The following ERC2 variants were observed in gnomAD, a reference collection of about 807,000 sequenced individuals.
ERC2 encodes ERC protein 2.
A neutral mutation model predicts 114.8 loss-of-function variants in ERC2; 42 were observed. The observed-to-expected ratio is 0.37, with a 90% confidence interval of 0.29 to 0.47. ERC2 has a LOEUF of 0.47. Among genes scored for constraint, ERC2 ranks in the 20% least tolerant of loss-of-function variants. The pLI is 0.99. For missense variants in ERC2, 939 were observed against 1,150.7 expected (o/e 0.82, Z 2.66); for synonymous variants, 454 against 425.5 (o/e 1.07, Z -0.82).
chr3:56,216,752 G>A (rs947923597), intron 3 of ERC2, among the ~76,000 whole-genome samples: 3 of 152,150 alleles, frequency 2.0e-5, no homozygotes, highest in African/African-American at 7.2e-5. Context: ...GTAAAATACT[G>A]GCAAACCAAA....
At chr3:55,971,521 A>G (rs1393319936) in intron 12 of ERC2, among the ~76,000 whole-genome samples, 1 of 152,168 alleles carries the variant, frequency 6.6e-6, no homozygotes, top group Non-Finnish European at 1.5e-5. Context: ...AAGCATAGAC[A>G]CATCTTTAAA....
chr3:55,980,169 A>G (rs1179233681), intron 12 of ERC2, among the ~76,000 whole-genome samples: 1 of 151,610 alleles, frequency 6.6e-6, no homozygotes, highest in East Asian at 1.9e-4. Flanking sequence ...AAGTAAAATC[A>G]GCTGATTTCT....
chr3:55,998,240 TTCTC>T (rs200652297), intron 10 of ERC2, among the ~76,000 whole-genome samples: 2 of 151,516 alleles, frequency 1.3e-5, no homozygotes, highest in Middle Eastern at 3.2e-3. Flanking sequence ...CTCTCTCTCT[TTCTC>T]TCTCTCTCAC....
rs9865989 is a variant in ERC2 at position 56,378,895 on chromosome 3, G to A, written c.657+55456C>T. ...TGGCCTCTTAAGTTAGCCCTGCACAGTCCAATGGAAGTGTAATGCAAGCCA... is the reference window on the plus strand; with the variant it reads ...TGGCCTCTTAAGTTAGCCCTGCACAATCCAATGGAAGTGTAATGCAAGCCA... On this transcript the variant is annotated intron_variant, in intron 2 of 17. Transcript: ENST00000288221. Among the ~76,000 whole-genome samples the A allele has an allele frequency of 8.8e-3, 1,342 of 152,246 alleles. 26 individuals are homozygous for A. Among genetic ancestry groups the A allele is most frequent in the African/African-American group, 0.03 (1,251 of 41,534 alleles).
intron 17 of ERC2, among the ~76,000 whole-genome samples, chr3:55,629,410 A>G (rs2059654195): frequency 6.6e-6 from 1 of 152,250 alleles, no homozygotes; most frequent in Non-Finnish European, 1.5e-5. Context: ...TGAAACTTAC[A>G]GTGACTTGGA....
chr3:56,036,798 C>A (rs2074835515), intron 7 of ERC2, among the ~76,000 whole-genome samples: 1 of 152,100 alleles, frequency 6.6e-6, no homozygotes, highest in Non-Finnish European at 1.5e-5. Context: ...CCCATGCCAC[C>A]AGAGCCGTGG....
intron 3 of ERC2, among the ~76,000 whole-genome samples, chr3:56,228,966 G>C (rs1422746561): frequency 6.6e-6 from 1 of 152,046 alleles, no homozygotes; most frequent in Admixed American, 6.6e-5. Flanking sequence ...GTTATAATGG[G>C]TAAGAGTCCA....
intron 2 of ERC2, among the ~76,000 whole-genome samples, chr3:56,359,892 GC>G (rs2058884073): frequency 6.6e-6 from 1 of 151,816 alleles, no homozygotes; most frequent in South Asian, 2.1e-4. Flanking sequence ...TGTGAGGACA[GC>G]ACCAAGCTAT....
chr3:55,516,118 C>G (rs544820265), intron 17 of ERC2, among the ~76,000 whole-genome samples: 1 of 152,214 alleles, frequency 6.6e-6, no homozygotes, highest in African/African-American at 2.4e-5. Context: ...AAGGCAAGCC[C>G]CTGATAGACT....
rs138559613 is a variant in ERC2, at chr3:55,907,664, T to G, written c.2404-19115A>C. Among the ~76,000 whole-genome samples, 350 of 152,222 alleles carry G rather than the reference T, an allele frequency of 2.3e-3. 1 individual carries two copies. The highest frequency in any genetic ancestry group is 7.9e-3 in the African/African-American group (328 of 41,530). The stretch of plus-strand genomic sequence containing the variant: ...AACATGAGGAAACACAGACGCTGAG[T>G]TTGGACTGATGAAGGCTCAGATCCC... On this transcript the variant is annotated intron_variant, in intron 13 of 17. Coordinates refer to ENST00000288221, the MANE Select transcript of ERC2 (RefSeq NM_015576.3).
chr3:56,167,318 T>C lies in ERC2; in HGVS notation c.1149+6128A>G, dbSNP rs143594985. 3.9e-3 allele frequency among the ~76,000 whole-genome samples: 595 copies of C among 152,250 alleles called. 5 individuals carry two copies. Among genetic ancestry groups the C allele is most frequent in the Middle Eastern group, 0.024 (7 of 294 alleles). On this transcript the variant is annotated intron_variant, in intron 4 of 17. Coordinates refer to ENST00000288221, the MANE Select transcript of ERC2 (RefSeq NM_015576.3). ...TGCTGTACACAAAATAGTTGCTCAG[T>C]AAACACTGGTGTTTATTATGCAACT...
intron 15 of ERC2, among the ~76,000 whole-genome samples, chr3:55,716,610 G>A (rs1364394103): frequency 6.6e-6 from 1 of 152,186 alleles, no homozygotes; most frequent in East Asian, 1.9e-4. Context: ...TAAGTCTGTG[G>A]CTTCTGATTC....
chr3:56,115,433 A>G (rs1575476491), intron 6 of ERC2, among the ~76,000 whole-genome samples: 1 of 152,118 alleles, frequency 6.6e-6, no homozygotes, highest in East Asian at 1.9e-4. Context: ...CCATTCTTCA[A>G]GAGTCACGTC....
chr3:55,566,021 T>C (rs1290737812), intron 17 of ERC2, among the ~76,000 whole-genome samples: 1 of 152,226 alleles, frequency 6.6e-6, no homozygotes, highest in African/African-American at 2.4e-5. Flanking sequence ...GTCTCTTAGC[T>C]TGGGGGGAAA....
intron 14 of ERC2, among the ~76,000 whole-genome samples, chr3:55,833,365 T>A (rs1301530392): frequency 1.3e-5 from 2 of 150,978 alleles, no homozygotes; most frequent in Non-Finnish European, 2.9e-5. Context: ...GAGAGAAAGG[T>A]CGGGTTACCC....
chr3:55,754,044 T>A (rs1226589177), intron 14 of ERC2, among the ~76,000 whole-genome samples: 1 of 152,206 alleles, frequency 6.6e-6, no homozygotes, highest in Non-Finnish European at 1.5e-5. Context: ...GTTGGTTGTA[T>A]AACAAGCAGT....
At chr3:56,192,390 T>C (rs2047844743) in intron 3 of ERC2, among the ~76,000 whole-genome samples, 1 of 152,212 alleles carries the variant, frequency 6.6e-6, no homozygotes. Flanking sequence ...ATAACTAAAA[T>C]AACTCCTGGA....
intron 6 of ERC2, among the ~76,000 whole-genome samples, chr3:56,104,341 C>T (rs1575435161): frequency 2.0e-5 from 3 of 152,210 alleles, no homozygotes. Flanking sequence ...AACAACCCTA[C>T]ATTATCACAT....
intron 17 of ERC2, among the ~76,000 whole-genome samples, chr3:55,519,623 A>C (rs1321026917): frequency 1.3e-5 from 2 of 152,202 alleles, no homozygotes; most frequent in African/African-American, 4.8e-5. Context: ...CATGGCTCCC[A>C]AACTTCCTTA....
Sources: gnomAD v4.1 joint callset for allele counts (sites outside exome capture counted in the v4.1 genomes callset) on GRCh38, gnomAD v4.1.1 for gene constraint, MANE v1.5 for transcripts, NCBI Gene and HGNC (gene_info 2026-07-23, HGNC 2026-07-21) for gene names.